The following HELLS variants were observed in gnomAD, a reference collection of about 807,000 sequenced individuals.
The protein encoded by HELLS is lymphoid-specific helicase.
In HELLS, 32 loss-of-function variants were observed where a neutral mutation model predicts 120.0. The observed-to-expected ratio is 0.27, with a 90% CI of 0.20 to 0.36. The LOEUF (loss-of-function observed/expected upper bound fraction) is 0.36. Ranked by LOEUF, HELLS falls within the 10% of genes least tolerant of loss-of-function variation. HELLS has a pLI of 1.00. For missense variants in HELLS, 650 were observed against 993.4 expected (o/e 0.65, Z 4.65); for synonymous variants, 341 against 323.4 (o/e 1.05, Z -0.58).
At chr10:94,555,781 A>G (rs757287116) in intron 3 of HELLS, among the ~76,000 whole-genome samples, 13 of 151,946 alleles carry the variant, frequency 8.6e-5, no homozygotes, top group Non-Finnish European at 1.9e-4. Context: ...GGAGCACACC[A>G]TTATGTCTGT....
intron 8 of HELLS, among the ~76,000 whole-genome samples, chr10:94,607,171 G>A (rs1483574271): frequency 6.6e-6 from 1 of 152,108 alleles, no homozygotes; most frequent in South Asian, 2.1e-4. Context: ...CTGTGAGGGG[G>A]AGTGGTAATT....
intron 10 of HELLS, among the ~76,000 whole-genome samples, chr10:94,577,958 G>A (rs1187538895): frequency 6.6e-6 from 1 of 151,942 alleles, no homozygotes; most frequent in African/African-American, 2.4e-5. Flanking sequence ...AGCTACTCGG[G>A]AGGCTGAGGC....
rs1176778783 is a variant in HELLS, at chr10:94,581,537, T to A, written c.1229+15T>A. ...GACTTGAAAAGGTGGGTAAGCCAGT[T>A]ATTTAATGATTTAACCTCAAAAATC... On this transcript the variant is annotated intron_variant, in intron 11 of 21. Coordinates refer to ENST00000348459, the MANE Select transcript of HELLS (RefSeq NM_018063.5). 2 of 1,562,898 alleles carry A rather than the reference T, an allele frequency of 1.3e-6. 1 individual carries two copies. Among genetic ancestry groups the A allele is most frequent in the Non-Finnish European group, 1.7e-6 (2 of 1,150,676 alleles).
chr10:94,562,071 G>T (rs972934973), intron 4 of HELLS, among the ~76,000 whole-genome samples: 1 of 149,688 alleles, frequency 6.7e-6, no homozygotes, highest in African/African-American at 2.4e-5. Flanking sequence ...TTGAGCCACC[G>T]CGCCCGGCCA....
chr10:94,595,227 C>CA (rs35805834), intron 19 of HELLS, among the ~76,000 whole-genome samples: 30,540 of 145,636 alleles, frequency 0.21, 3,198 homozygotes, highest in South Asian at 0.35. Context: ...GACTCTGTCT[C>CA]AAAAAAAAAA....
downstream of HELLS, among the ~76,000 whole-genome samples, chr10:94,605,238 A>G (rs1272456670): frequency 4.0e-5 from 6 of 151,684 alleles, no homozygotes; most frequent in Non-Finnish European, 8.8e-5. Context: ...GCCCACCACC[A>G]TGCCCAGCTA....
chr10:94,564,282 G>T (rs763847614), intron 6 of HELLS, among the ~76,000 whole-genome samples: 5 of 152,162 alleles, frequency 3.3e-5, no homozygotes, highest in Non-Finnish European at 7.4e-5. Context: ...CGGAGAGTTG[G>T]GGGGAAAGGG....
chr10:94,562,902 T>G (rs1298547482), intron 6 of HELLS, 26 bp downstream of exon 6: 2 of 1,364,810 alleles, frequency 1.5e-6, no homozygotes, highest in Non-Finnish European at 2.1e-6. Context: ...AGAGGGCACC[T>G]AACATTTGAT....
downstream of HELLS, among the ~76,000 whole-genome samples, chr10:94,607,061 C>A (rs894241164): frequency 6.6e-6 from 1 of 152,102 alleles, no homozygotes; most frequent in Non-Finnish European, 1.5e-5. Flanking sequence ...ATGTAGACTT[C>A]CTCAGTTTTC....
rs550718519 is a variant in HELLS, at chr10:94,557,285, G to A, written c.277-854G>A. The A allele has an allele frequency of 2.0e-4, 54 of 265,684 alleles. 1 individual carries two copies. The highest frequency in any genetic ancestry group is 1.1e-3 in the African/African-American group (47 of 44,114). The allele number at this position is 265,684 out of a possible 1,614,324, so 16.5% of individuals were successfully genotyped here. A position where few individuals can be genotyped will look rare whatever the true frequency, so the allele number is the denominator to read the frequency against. ...TATCAATTTAAATTTTGCTGTATTTGTCAAATCTCCTTTTTCCTTTGTTTG... is the reference window on the plus strand; with the variant it reads ...TATCAATTTAAATTTTGCTGTATTTATCAAATCTCCTTTTTCCTTTGTTTG... On this transcript the variant is annotated intron_variant, in intron 3 of 21. Coordinates refer to ENST00000348459, the MANE Select transcript of HELLS (RefSeq NM_018063.5).
At chr10:94,602,637 C>T (rs1315313343), downstream of HELLS, among the ~76,000 whole-genome samples, 2 of 152,040 alleles carry the variant, frequency 1.3e-5, no homozygotes, top group African/African-American at 4.8e-5. Flanking sequence ...ATAATGGAAC[C>T]GTCACTTAAG....
intron 9 of HELLS, among the ~76,000 whole-genome samples, chr10:94,608,934 C>G (rs1846157983): frequency 6.6e-6 from 1 of 151,880 alleles, no homozygotes; most frequent in Non-Finnish European, 1.5e-5. Context: ...CCGCACCCAG[C>G]CCACAATTTT....
At chr10:94,546,315 T>A in intron 1 of HELLS, 62 bp from the exon 2 acceptor site, 1 of 1,603,594 alleles carries the variant, frequency 6.2e-7, no homozygotes, top group Non-Finnish European at 8.5e-7. Flanking sequence ...CTGTTTCTTG[T>A]TGGAGTTGAG....
At chr10:94,595,288 G>T (rs1372780147) in intron 19 of HELLS, among the ~76,000 whole-genome samples, 1 of 152,094 alleles carries the variant, frequency 6.6e-6, no homozygotes, top group East Asian at 1.9e-4. Flanking sequence ...GGGAATTTGG[G>T]AGCCTAAACT....
rs773813818 is a variant in HELLS at position 94,578,874 on chromosome 10, A to AT, written c.1032+2070dup. Among the ~76,000 whole-genome samples the AT allele has an allele frequency of 2.3e-3, 357 of 152,280 alleles. 1 individual carries two copies. The highest frequency in any genetic ancestry group is 4.3e-3 in the Non-Finnish European group (295 of 68,016). The stretch of plus-strand genomic sequence containing the variant: ...AGTTCACAATAGTGTTCATGCTCCT[A>AT]TGAGAATATAATGTCTCCTGATCTG... On this transcript the variant is annotated intron_variant, in intron 10 of 21. Transcript: ENST00000348459.
intron 2 of HELLS, among the ~76,000 whole-genome samples, chr10:94,552,898 G>C (rs1468562622): frequency 6.6e-6 from 1 of 152,164 alleles, no homozygotes; most frequent in Non-Finnish European, 1.5e-5. Flanking sequence ...AGGGTGGTTT[G>C]AGCCCGGGAT....
chr10:94,587,643 G>T (rs939452102), intron 12 of HELLS, among the ~76,000 whole-genome samples: 4 of 152,176 alleles, frequency 2.6e-5, no homozygotes, highest in East Asian at 1.9e-4. Context: ...CACCAGGCTG[G>T]TCTCAAACTC....
chr10:94,611,649 G>A (rs981664537), exon 10 of HELLS: 1 of 152,096 alleles, frequency 6.6e-6, no homozygotes, highest in African/African-American at 2.4e-5. Context: ...TTCTTATACT[G>A]TAAACATGTG....
intron 18 of HELLS, among the ~76,000 whole-genome samples, chr10:94,594,214 G>A (rs1249078361): frequency 6.6e-6 from 1 of 151,394 alleles, no homozygotes; most frequent in Non-Finnish European, 1.5e-5. Context: ...TGTTTTTAGT[G>A]ACAGGGTCTC....
Sources: gnomAD v4.1 joint callset for allele counts (sites outside exome capture counted in the v4.1 genomes callset) on GRCh38, gnomAD v4.1.1 for gene constraint, MANE v1.5 for transcripts, NCBI Gene and HGNC (gene_info 2026-07-23, HGNC 2026-07-21) for gene names.